The following PSD2 variants were observed in gnomAD, a reference collection of about 807,000 sequenced individuals.
PSD2 encodes pleckstrin and Sec7 domain containing 2.
In PSD2, 38 loss-of-function variants were observed where a neutral mutation model predicts 69.8. That is an observed-to-expected ratio of 0.54 (90% CI 0.42 to 0.71). The LOEUF (loss-of-function observed/expected upper bound fraction) is 0.71, where lower values mean the gene tolerates loss of function less well. PSD2 is among the 30% of genes least tolerant of loss of function. The pLI, the probability that PSD2 is intolerant of heterozygous loss-of-function variation, is 0.00. For synonymous variants in PSD2, 412 were observed against 423.0 expected, an observed-to-expected ratio of 0.97 and a Z score of 0.32; for missense variants, 943 against 1,014.5, an observed-to-expected ratio of 0.93 and a Z score of 0.96.
chr5:139,798,379 C>G (rs570977483), intron 1 of PSD2, among the ~76,000 whole-genome samples: 1 of 152,216 alleles, frequency 6.6e-6, no homozygotes, highest in East Asian at 1.9e-4. Flanking sequence ...AGCGCTGTGC[C>G]TGCCTGGCCT....
At position 139,830,594 on chromosome 5, in the gene PSD2, T is replaced by C. The variant is rs867988464; in HGVS notation, c.1270-3108T>C. Among the ~76,000 whole-genome samples the C allele has an allele frequency of 3.1e-3, 359 of 114,352 alleles. 4 individuals carry two copies. The highest frequency in any genetic ancestry group is 7.9e-3 in the Middle Eastern group (2 of 254). 75.0% of individuals were successfully genotyped at this position (114,352 alleles called of 152,430 possible). ...TCTTTCTTTCTTTCTTTCTTTCTTTTTCTTTCTTTCTTTCTCTTTCTTTCT... is the reference window on the plus strand; with the variant it reads ...TCTTTCTTTCTTTCTTTCTTTCTTTCTCTTTCTTTCTTTCTCTTTCTTTCT... On this transcript the variant is annotated intron_variant, in intron 7 of 14. Coordinates refer to ENST00000274710, the MANE Select transcript of PSD2 (RefSeq NM_032289.4).
intron 7 of PSD2, among the ~76,000 whole-genome samples, chr5:139,824,605 T>C (rs535319129): frequency 7.4e-4 from 112 of 152,228 alleles, no homozygotes; most frequent in Non-Finnish European, 1.3e-3. Flanking sequence ...CTTTACGTGG[T>C]ACTGCTCAGA....
the PSD2 span, among the ~76,000 whole-genome samples, chr5:139,782,105 A>G: frequency 6.6e-6 from 1 of 152,222 alleles, no homozygotes; most frequent in Non-Finnish European, 1.5e-5. Context: ...AGGGCCTTTC[A>G]TAGGCCCTAG....
At chr5:139,813,250 C>T (rs1034496642) in intron 2 of PSD2, 59 bp from the exon 3 acceptor site, 20 of 1,423,810 alleles carry the variant, frequency 1.4e-5, no homozygotes, top group African/African-American at 4.3e-5. Flanking sequence ...AGTGTAGTCA[C>T]CAGCACCTGT....
At chr5:139,747,154 C>T in the PSD2 span, among the ~76,000 whole-genome samples, 1 of 152,210 alleles carries the variant, frequency 6.6e-6, no homozygotes, top group Admixed American at 6.5e-5. This position sits in a 1 kb window ranked among gnomAD's most constrained non-coding sequence, Gnocchi z 6.7. Context: ...CTAGCTGTCT[C>T]TGTCCCTCAG....
At chr5:139,761,770 T>C in the PSD2 span, among the ~76,000 whole-genome samples, 3 of 152,190 alleles carry the variant, frequency 2.0e-5, no homozygotes, top group Non-Finnish European at 4.4e-5. Context: ...AGATCATCCA[T>C]GGCTTAGGAC....
the PSD2 span, among the ~76,000 whole-genome samples, chr5:139,789,190 G>A: frequency 6.6e-6 from 1 of 152,334 alleles, no homozygotes; most frequent in African/African-American, 2.4e-5. Flanking sequence ...TCACTCTTTG[G>A]ATACCAACTT....
chr5:139,771,329 A>C, the PSD2 span, among the ~76,000 whole-genome samples: 2 of 152,178 alleles, frequency 1.3e-5, no homozygotes, highest in Non-Finnish European at 2.9e-5. Context: ...AAGGCCCTGA[A>C]TAGCCTGAGC....
the PSD2 span, among the ~76,000 whole-genome samples, chr5:139,786,293 G>C: frequency 9.2e-5 from 14 of 151,970 alleles, no homozygotes; most frequent in African/African-American, 2.2e-4. Flanking sequence ...GCAGAGAGGT[G>C]GGGGGATCAC....
chr5:139,829,228 T>G (rs551737145), intron 7 of PSD2, among the ~76,000 whole-genome samples: 4 of 152,260 alleles, frequency 2.6e-5, no homozygotes, highest in African/African-American at 9.6e-5. Context: ...GAATGTTTCA[T>G]GTGGACTTGA....
the PSD2 span, among the ~76,000 whole-genome samples, chr5:139,755,035 T>C: frequency 6.6e-6 from 1 of 152,238 alleles, no homozygotes; most frequent in African/African-American, 2.4e-5. Flanking sequence ...TGCTTGCTTA[T>C]TGAGTCGCAG....
chr5:139,819,339 C>T (rs1760199306), intron 5 of PSD2, among the ~76,000 whole-genome samples: 1 of 152,096 alleles, frequency 6.6e-6, no homozygotes, highest in African/African-American at 2.4e-5. Context: ...TTGGGCAAAC[C>T]CCCTTGTTGG....
chr5:139,809,832 G>A, intron 2 of PSD2, 21 bp downstream of exon 2: 1 of 1,612,222 alleles, frequency 6.2e-7, no homozygotes, highest in Non-Finnish European at 8.5e-7. Context: ...GTCTTGGGAT[G>A]GGAGCTCACC....
chr5:139,752,150 G>A, the PSD2 span, among the ~76,000 whole-genome samples: 1 of 151,958 alleles, frequency 6.6e-6, no homozygotes, highest in Non-Finnish European at 1.5e-5. Flanking sequence ...CCTCGACACT[G>A]CCAAGCCCCT....
the PSD2 span, among the ~76,000 whole-genome samples, chr5:139,765,740 G>A: frequency 6.6e-6 from 1 of 152,202 alleles, no homozygotes; most frequent in Admixed American, 6.5e-5. Flanking sequence ...CTGAATCCGA[G>A]CCCAGGGTGC....
chr5:139,772,220 C>G, the PSD2 span, among the ~76,000 whole-genome samples: 1 of 152,106 alleles, frequency 6.6e-6, no homozygotes, highest in Non-Finnish European at 1.5e-5. Context: ...GCATTAGATC[C>G]CTCCTCCCGC....
chr5:139,787,555 C>G, the PSD2 span, among the ~76,000 whole-genome samples: 3 of 152,258 alleles, frequency 2.0e-5, no homozygotes, highest in African/African-American at 7.2e-5. Flanking sequence ...GCTGCCACAA[C>G]CAGCGTTTGT....
intron 7 of PSD2, among the ~76,000 whole-genome samples, chr5:139,830,565 C>CTTT (rs1760554416): frequency 5.8e-5 from 7 of 120,420 alleles, no homozygotes; most frequent in African/African-American, 7.4e-5. Context: ...TTCCTTCCTT[C>CTTT]CTTTCTTTCT....
chr5:139,786,917 C>T, the PSD2 span, among the ~76,000 whole-genome samples: 30 of 152,294 alleles, frequency 2.0e-4, no homozygotes, highest in Non-Finnish European at 2.9e-4. Flanking sequence ...TACTGCCTGA[C>T]CTACTCCTAA....
Sources: gnomAD v4.1 joint callset for allele counts (sites outside exome capture counted in the v4.1 genomes callset) on GRCh38, gnomAD v4.1.1 for gene constraint, Gnocchi (gnomAD v3.1) non-coding constraint, MANE v1.5 for transcripts, NCBI Gene and HGNC (gene_info 2026-07-23, HGNC 2026-07-21) for gene names.